FNIP2: variants seen among roughly 807,000 people sequenced by gnomAD.
The protein encoded by FNIP2 is folliculin interacting protein 2.
A neutral mutation model predicts 108.7 loss-of-function variants in FNIP2; 32 were observed. The ratio of observed to expected loss-of-function variants is 0.29; its 90% CI spans 0.22 to 0.40. The LOEUF (loss-of-function observed/expected upper bound fraction) is 0.40. Among genes scored for constraint, FNIP2 ranks in the 10% least tolerant of loss-of-function variants. FNIP2 has a pLI of 1.00. For synonymous variants in FNIP2, 480 were observed against 496.7 expected (o/e 0.97, Z 0.45); for missense variants, 1,202 against 1,381.6 (o/e 0.87, Z 2.06).
chr4:158,867,158 T>G (rs1327779688), intron 12 of FNIP2, among the ~76,000 whole-genome samples: 1 of 152,186 alleles, frequency 6.6e-6, no homozygotes, highest in Non-Finnish European at 1.5e-5. Context: ...TCAGGATATA[T>G]AACTAATGGG....
At chr4:158,777,897 C>T (rs1775911041) in intron 1 of FNIP2, among the ~76,000 whole-genome samples, 1 of 152,154 alleles carries the variant, frequency 6.6e-6, no homozygotes, top group African/African-American at 2.4e-5. Context: ...TTTCACACCC[C>T]AATCCCCCTT....
chr4:158,836,656 A>G (rs1473630289), intron 7 of FNIP2: 1 of 151,492 alleles, frequency 6.6e-6, no homozygotes, highest in Non-Finnish European at 1.5e-5. Context: ...AAAAAAAAAA[A>G]AAGAAAGAAA....
In FNIP2 at chr4:158,822,045, G is replaced by A. The variant is rs1054776590; in HGVS notation, c.108-3871G>A. Among the ~76,000 whole-genome samples the A allele has an allele frequency of 2.6e-5, 4 of 152,052 alleles. No homozygotes were observed. In the South Asian group the frequency reaches 6.2e-4, roughly 24 times the overall value. On this transcript the variant is annotated intron_variant, in intron 1 of 16. Coordinates refer to ENST00000264433, the MANE Select transcript of FNIP2 (RefSeq NM_020840.3). The stretch of plus-strand genomic sequence containing the variant: ...TGAGGCTATGGTGAACCGAGATGGC[G>A]CCACTGCACTCCAGCCTGGGCAACA...
At chr4:158,859,702 T>A (rs781023712) in intron 10 of FNIP2, 36 bp downstream of exon 10, 20 of 1,519,762 alleles carry the variant, frequency 1.3e-5, no homozygotes, top group Middle Eastern at 3.4e-4. Flanking sequence ...CAACAGGAGA[T>A]GTTTATGAGC....
chr4:158,835,546 G>A, intron 7 of FNIP2, 70 bp downstream of exon 7: 1 of 1,387,808 alleles, frequency 7.2e-7, no homozygotes, highest in Admixed American at 1.7e-5. Flanking sequence ...AGGTGGGAAA[G>A]TAGAAGACAG....
chr4:158,885,694 C>A (rs2126759675), intron 14 of FNIP2, among the ~76,000 whole-genome samples: 1 of 152,284 alleles, frequency 6.6e-6, no homozygotes, highest in Non-Finnish European at 1.5e-5. Context: ...CTTTAAATGG[C>A]ATTTAAGCCT....
chr4:158,793,271 C>T (rs1413148427), intron 1 of FNIP2, among the ~76,000 whole-genome samples: 1 of 152,124 alleles, frequency 6.6e-6, no homozygotes, highest in Non-Finnish European at 1.5e-5. Flanking sequence ...AACCCTGAGA[C>T]GTGATCTAGG....
chr4:158,832,733 A>G (rs1778552440), intron 5 of FNIP2, among the ~76,000 whole-genome samples: 1 of 152,210 alleles, frequency 6.6e-6, no homozygotes, highest in Non-Finnish European at 1.5e-5. Flanking sequence ...TGAACATTTA[A>G]CATTGGAATG....
chr4:158,866,236 T>TTTTTTTTTTTTTTTTTA (rs1560813762), intron 12 of FNIP2, among the ~76,000 whole-genome samples: 1 of 127,418 alleles, frequency 7.8e-6, no homozygotes, highest in Admixed American at 8.6e-5. Context: ...TTTTTTTTTT[T>TTTTTTTTTTTTTTTTTA]GAGACAGAGT....
chr4:158,796,480 CTA>C (rs1776594975), intron 1 of FNIP2, among the ~76,000 whole-genome samples: 1 of 151,844 alleles, frequency 6.6e-6, no homozygotes, highest in Non-Finnish European at 1.5e-5. Context: ...AGAGAATTGG[CTA>C]TGTTTTTGGG....
At chr4:158,863,704 G>A (rs542725921) in intron 12 of FNIP2, among the ~76,000 whole-genome samples, 70 of 152,200 alleles carry the variant, frequency 4.6e-4, no homozygotes, top group Non-Finnish European at 8.8e-4. Context: ...TTTGTAAAAT[G>A]TCTGTTCCAA....
chr4:158,818,797 C>G (rs1777717939), intron 1 of FNIP2, among the ~76,000 whole-genome samples: 1 of 152,202 alleles, frequency 6.6e-6, no homozygotes. Context: ...TCCCAACAGC[C>G]TTGTGAGGTA....
At chr4:158,890,407 C>T (rs1383127526) in intron 14 of FNIP2, 1 of 940,312 alleles carries the variant, frequency 1.1e-6, no homozygotes, top group Non-Finnish European at 1.3e-6. Context: ...TCATTCATCT[C>T]ACCACTCTCT....
At chr4:158,825,138 C>G (rs1395336567) in intron 1 of FNIP2, among the ~76,000 whole-genome samples, 1 of 152,198 alleles carries the variant, frequency 6.6e-6, no homozygotes, top group Non-Finnish European at 1.5e-5. Context: ...CACAGACACT[C>G]AAATATGTGT....
At chr4:158,828,488 C>T (rs1415804733) in intron 2 of FNIP2, among the ~76,000 whole-genome samples, 1 of 152,116 alleles carries the variant, frequency 6.6e-6, no homozygotes, top group Admixed American at 6.5e-5. Flanking sequence ...TGATGGTGGG[C>T]ACCTGTAAGT....
At chr4:158,882,577 G>A (rs1172617674) in intron 14 of FNIP2, among the ~76,000 whole-genome samples, 2 of 152,262 alleles carry the variant, frequency 1.3e-5, no homozygotes, top group Non-Finnish European at 2.9e-5. Context: ...GCGGAGAAAA[G>A]ATAGAGAAAT....
chr4:158,841,983 G>A (rs1223343353), intron 7 of FNIP2, among the ~76,000 whole-genome samples: 1 of 152,244 alleles, frequency 6.6e-6, no homozygotes, highest in East Asian at 1.9e-4. Context: ...ATCTAAAAGT[G>A]CCTGGTTGTA....
chr4:158,859,593 A>G lies in FNIP2; in HGVS notation c.1075A>G (p.Arg359Gly). Residue 359 changes from arginine to glycine, a missense_variant, in exon 10 of 17, where the codon AGG becomes GGG. This residue lies in a region of FNIP2 where 878 missense variants were observed against 990.3 expected (regional missense o/e 0.89). Coordinates refer to ENST00000264433, the MANE Select transcript of FNIP2 (RefSeq NM_020840.3). Reference sequence around the variant, plus strand: ...TTCAATAAAGGCTATGATCTCCTGTAGGAAAATAGCAGAATCAAGTCTCCG... The same window carrying G: ...TTCAATAAAGGCTATGATCTCCTGTGGGAAAATAGCAGAATCAAGTCTCCG... ...SAIEKAMISCRKIAESSLRVQ... is the reference protein window; with the variant it reads ...SAIEKAMISCGKIAESSLRVQ... 6.2e-7 allele frequency: 1 copy of G among 1,613,232 alleles called. No individual in the cohort carries two copies. Among genetic ancestry groups the G allele is most frequent in the Non-Finnish European group, 8.5e-7 (1 of 1,179,482 alleles).
At chr4:158,820,801 T>C (rs1777841931) in intron 1 of FNIP2, among the ~76,000 whole-genome samples, 1 of 152,206 alleles carries the variant, frequency 6.6e-6, no homozygotes, top group African/African-American at 2.4e-5. Context: ...AATTTTCTCC[T>C]TCTTAGGAGG....
Sources: gnomAD v4.1 joint callset for allele counts (sites outside exome capture counted in the v4.1 genomes callset) on GRCh38, gnomAD v4.1.1 for gene constraint, gnomAD v4.1.1 regional missense constraint, MANE v1.5 for transcripts, NCBI Gene and HGNC (gene_info 2026-07-23, HGNC 2026-07-21) for gene names.